The following DNER variants were observed in gnomAD, a reference collection of about 807,000 sequenced individuals.
DNER encodes delta and Notch-like epidermal growth factor-related receptor.
DNER carries 33 observed loss-of-function variants against 78.2 expected under a neutral mutation model. The observed-to-expected ratio is 0.42, with a 90% CI of 0.32 to 0.56. The LOEUF is 0.56. Among genes scored for constraint, DNER ranks in the 20% least tolerant of loss-of-function variants. The pLI, the probability that DNER is intolerant of heterozygous loss-of-function variation, is 0.11. For synonymous variants in DNER, 417 were observed against 384.8 expected, an observed-to-expected ratio of 1.08 and a Z score of -0.98; for missense variants, 918 against 975.3, an observed-to-expected ratio of 0.94 and a Z score of 0.78.
chr2:229,692,136 T>C (rs1699585976), intron 1 of DNER, among the ~76,000 whole-genome samples: 1 of 152,222 alleles, frequency 6.6e-6, no homozygotes. Flanking sequence ...CTGCCTTTGA[T>C]GCTTAAGTTA....
chr2:229,466,899 C>CTAAAATG (rs1694817626), intron 7 of DNER, among the ~76,000 whole-genome samples: 1 of 152,050 alleles, frequency 6.6e-6, no homozygotes, highest in Admixed American at 6.5e-5. Context: ...AGATGTTCAC[C>CTAAAATG]TAAAATGTAA....
At chr2:229,433,242 T>G (rs2106356097) in intron 8 of DNER, among the ~76,000 whole-genome samples, 1 of 152,292 alleles carries the variant, frequency 6.6e-6, no homozygotes, top group East Asian at 1.9e-4. Flanking sequence ...CCAGCCGGTT[T>G]TGTATTTTAA....
chr2:229,568,791 C>A (rs573885452), intron 4 of DNER, among the ~76,000 whole-genome samples: 1 of 152,108 alleles, frequency 6.6e-6, no homozygotes, highest in African/African-American at 2.4e-5. Context: ...TAAACTCCTA[C>A]GCTCAGGCAA....
intron 1 of DNER, among the ~76,000 whole-genome samples, chr2:229,695,405 T>C (rs1411195760): frequency 6.6e-6 from 1 of 152,140 alleles, no homozygotes; most frequent in African/African-American, 2.4e-5. Flanking sequence ...TGAATGTCCA[T>C]AAGAATATAT....
At chr2:229,427,458 C>A (rs1242968212) in intron 8 of DNER, among the ~76,000 whole-genome samples, 1 of 152,178 alleles carries the variant, frequency 6.6e-6, no homozygotes, top group East Asian at 1.9e-4. Flanking sequence ...GATAAAGTGC[C>A]TTTACTGGGG....
intron 1 of DNER, among the ~76,000 whole-genome samples, chr2:229,610,100 T>C (rs955855331): frequency 2.6e-5 from 4 of 152,222 alleles, no homozygotes; most frequent in Non-Finnish European, 5.9e-5. Context: ...ATATTAACAT[T>C]GTGCCCTGGT....
chr2:229,575,650 G>T (rs1697285022), intron 4 of DNER, among the ~76,000 whole-genome samples: 1 of 152,110 alleles, frequency 6.6e-6, no homozygotes, highest in African/African-American at 2.4e-5. Flanking sequence ...CACCACCGCA[G>T]CCTGGGAAGC....
At chr2:229,397,330 C>T (rs559649864) in intron 10 of DNER, among the ~76,000 whole-genome samples, 6 of 151,902 alleles carry the variant, frequency 3.9e-5, no homozygotes, top group East Asian at 3.9e-4. Flanking sequence ...GGCAGCAACC[C>T]GGAAATGTCA....
intron 11 of DNER, among the ~76,000 whole-genome samples, chr2:229,378,222 G>T (rs1692651844): frequency 6.6e-6 from 1 of 152,138 alleles, no homozygotes; most frequent in Admixed American, 6.5e-5. Context: ...GGCCCATTTT[G>T]CACTTTTGCC....
chr2:229,382,667 A>T (rs990830341), intron 11 of DNER, among the ~76,000 whole-genome samples: 2 of 151,912 alleles, frequency 1.3e-5, no homozygotes, highest in Admixed American at 6.6e-5. Flanking sequence ...AAAGGATATA[A>T]GAGACTGAAG....
At chr2:229,498,725 A>G (rs554611653) in intron 6 of DNER, among the ~76,000 whole-genome samples, 7 of 152,348 alleles carry the variant, frequency 4.6e-5, no homozygotes, top group South Asian at 4.1e-4. Flanking sequence ...ATATCTGTAA[A>G]TTTAAAACTA....
intron 4 of DNER, among the ~76,000 whole-genome samples, chr2:229,570,979 CA>C (rs985797397): frequency 3.3e-5 from 5 of 152,092 alleles, no homozygotes; most frequent in Admixed American, 3.3e-4. Context: ...AGAGCCATTG[CA>C]GGATTGTGAG....
At chr2:229,604,860 A>G (rs545950268) in intron 1 of DNER, among the ~76,000 whole-genome samples, 70 of 152,252 alleles carry the variant, frequency 4.6e-4, no homozygotes, top group African/African-American at 1.7e-3. Context: ...CTACACTAGG[A>G]ACAAAACTAA....
chr2:229,378,119 C>T (rs982339439), intron 11 of DNER, among the ~76,000 whole-genome samples: 1 of 152,076 alleles, frequency 6.6e-6, no homozygotes, highest in African/African-American at 2.4e-5. Flanking sequence ...TGTGAGCAGC[C>T]TTAAGGTTAG....
intron 7 of DNER, among the ~76,000 whole-genome samples, chr2:229,471,095 G>A (rs1694914844): frequency 6.6e-6 from 1 of 151,472 alleles, no homozygotes; most frequent in African/African-American, 2.4e-5. Flanking sequence ...GTTTCATATG[G>A]TTCTAATAGA....
intron 6 of DNER, among the ~76,000 whole-genome samples, chr2:229,487,839 C>T (rs1422223288): frequency 6.6e-6 from 1 of 152,180 alleles, no homozygotes; most frequent in Non-Finnish European, 1.5e-5. Context: ...AGTAAATGAG[C>T]AGGAGAATGG....
intron 1 of DNER, among the ~76,000 whole-genome samples, chr2:229,625,680 T>C (rs1698326587): frequency 6.6e-6 from 1 of 152,084 alleles, no homozygotes; most frequent in South Asian, 2.1e-4. Flanking sequence ...GAAATGAATG[T>C]GAGTTTGAAT....
chr2:229,486,980 T>C (rs1319683235), intron 6 of DNER, among the ~76,000 whole-genome samples: 2 of 152,166 alleles, frequency 1.3e-5, no homozygotes, highest in Non-Finnish European at 2.9e-5. Context: ...AAAACCACCA[T>C]CTGGAAAATT....
At chr2:229,359,696 C>A (rs1440969375) in intron 12 of DNER, among the ~76,000 whole-genome samples, 7 of 152,054 alleles carry the variant, frequency 4.6e-5, no homozygotes, top group Non-Finnish European at 8.8e-5. Flanking sequence ...CCTATTTTTT[C>A]CTTTGATATG....
Sources: allele counts gnomAD v4.1 joint callset (sites outside exome capture counted in the v4.1 genomes callset), GRCh38; gene constraint gnomAD v4.1.1; transcripts MANE v1.5; gene names NCBI Gene and HGNC (gene_info 2026-07-23, HGNC 2026-07-21).